RWDD1: variants seen among roughly 807,000 people sequenced by gnomAD.
RWDD1 encodes RWD domain-containing protein 1.
In RWDD1, 17 loss-of-function variants were observed where a neutral mutation model predicts 31.6. That is an observed-to-expected ratio of 0.54 (90% confidence interval 0.37 to 0.81). RWDD1 has a LOEUF of 0.81. Among genes scored for constraint, RWDD1 ranks in the 30% least tolerant of loss-of-function variants. RWDD1 has a pLI of 0.00. For synonymous variants in RWDD1, 78 were observed against 94.2 expected (o/e 0.83, Z 0.99); for missense variants, 204 against 274.5 (o/e 0.74, Z 1.82).
chr6:116,578,471 A>G (rs778983677), intron 1 of RWDD1, among the ~76,000 whole-genome samples: 1 of 152,216 alleles, frequency 6.6e-6, no homozygotes. Context: ...GTAATTGAGT[A>G]TTGGTTACCC....
chr6:116,578,465 T>C (rs954069974), intron 1 of RWDD1, among the ~76,000 whole-genome samples: 4 of 152,170 alleles, frequency 2.6e-5, no homozygotes, highest in African/African-American at 9.7e-5. Flanking sequence ...CCTGTTGTAA[T>C]TGAGTATTGG....
chr6:116,579,118 C>T (rs1264023213), intron 1 of RWDD1, among the ~76,000 whole-genome samples: 13 of 152,194 alleles, frequency 8.5e-5, no homozygotes, highest in African/African-American at 2.2e-4. Flanking sequence ...TCAAGTGATC[C>T]GCCCGCCTTG....
intron 1 of RWDD1, among the ~76,000 whole-genome samples, chr6:116,573,352 A>T (rs1774780812): frequency 6.6e-6 from 1 of 152,210 alleles, no homozygotes; most frequent in East Asian, 1.9e-4. Context: ...GTGCTTGAGG[A>T]TTCTGAGCCA....
In RWDD1 at chr6:116,590,263, T is replaced by C; in HGVS notation, c.415-9T>C. 2.7e-6 allele frequency: 4 copies of C among 1,482,996 alleles called. No homozygotes were observed. Among genetic ancestry groups the C allele is most frequent in the Non-Finnish European group, 3.6e-6 (4 of 1,100,364 alleles). The allele number at this position is 1,482,996 out of a possible 1,614,324, so 91.9% of individuals were successfully genotyped here. A position where few individuals can be genotyped will look rare whatever the true frequency, so the allele number is the denominator to read the frequency against. ...TTAATCTGGTGACTTTTTTTTTTTATTTCCTAAGCAATTATTCCATGGTAC... is the reference window on the plus strand; with the variant it reads ...TTAATCTGGTGACTTTTTTTTTTTACTTCCTAAGCAATTATTCCATGGTAC... On this transcript the variant is annotated splice_polypyrimidine_tract_variant and intron_variant, in intron 4 of 6. Transcript: ENST00000466444.
rs184044681 is a variant in RWDD1, at chr6:116,574,682, T to C, written c.73+3027T>C. ...TTTCTTTCTTTCTCTCTCTCTCTCTTCCTTCCTTCCTTCCTTTTCTTTCTT... is the reference window on the plus strand; with the variant it reads ...TTTCTTTCTTTCTCTCTCTCTCTCTCCCTTCCTTCCTTCCTTTTCTTTCTT... On this transcript the variant is annotated intron_variant, in intron 1 of 6. Transcript: ENST00000466444. 7.5e-3 allele frequency among the ~76,000 whole-genome samples: 1,127 copies of C among 150,926 alleles called. 10 individuals are homozygous for C. Among genetic ancestry groups the C allele is most frequent in the Non-Finnish European group, 0.012 (837 of 67,698 alleles).
In RWDD1 at chr6:116,588,862, G is replaced by A. The variant is rs779298640; in HGVS notation, c.291G>A (p.Met97Ile). The change falls in exon 4 of 7, where the codon ATG becomes ATA. Residue 97 changes from methionine to isoleucine, a missense_variant. Met to Ile is a conservative substitution (Grantham distance 10). Transcript: ENST00000466444. ...CACAGGCTGAAGAAAATCTTGGTAT[G>A]GTGATGATTTTTACTCTAGTGACAG... ...LALQAEENLG[M>I]VMIFTLVTAV... The A allele has an allele frequency of 1.2e-5, 18 of 1,542,680 alleles. No individual in the cohort carries two copies. Among genetic ancestry groups the A allele is most frequent in the African/African-American group, 2.9e-5 (2 of 70,174 alleles).
Position 116,593,124 on chromosome 6 carries a change from A to G in RWDD1, c.*23A>G. The stretch of plus-strand genomic sequence containing the variant: ...TAATGGACTGTCCCCATCTGCAGAG[A>G]GGCTTGACTGCCACAGCATCTGTGG... On this transcript the variant is annotated 3_prime_UTR_variant, in exon 7 of 7. Coordinates refer to ENST00000466444, the MANE Select transcript of RWDD1 (RefSeq NM_015952.4). 1 of 1,596,764 alleles carries G rather than the reference A, an allele frequency of 6.3e-7. No individual in the cohort carries two copies.
Position 116,593,096 on chromosome 6 carries a change from G to T in RWDD1, c.727G>T (p.Asp243Tyr). The change falls in exon 7 of 7, where the codon GAC becomes TAC. Residue 243 changes from aspartate (D) to tyrosine (Y), a missense_variant. By Grantham distance (160) the Asp-to-Tyr change is radical. Transcript: ENST00000466444. The stretch of plus-strand genomic sequence containing the variant: ...TGCTGACCCAGAGAGTGACTCAGCT[G>T]ACTAATGGACTGTCCCCATCTGCAG... ...NPADPESDSA[D>Y] The T allele has an allele frequency of 6.2e-7, 1 of 1,613,604 alleles. No homozygotes were observed. The highest frequency in any genetic ancestry group is 1.1e-5 in the South Asian group (1 of 91,008).
Position 116,595,989 on chromosome 6 carries a change from A to G in RWDD1, c.*2888A>G, listed in dbSNP as rs900376660. On this transcript the variant is annotated 3_prime_UTR_variant, in exon 7 of 7. Coordinates refer to ENST00000466444, the MANE Select transcript of RWDD1 (RefSeq NM_015952.4). Reference sequence around the variant, plus strand: ...ACAAGTTCACTGATCGTACTGTCATACTCCAGAGATACATGTGCCAAGAAG... The same window carrying G: ...ACAAGTTCACTGATCGTACTGTCATGCTCCAGAGATACATGTGCCAAGAAG... 2 of 152,200 alleles carry G rather than the reference A, an allele frequency of 1.3e-5. No homozygotes were observed. Among genetic ancestry groups the G allele is most frequent in the East Asian group, 1.9e-4 (1 of 5,200 alleles). 9.4% of individuals were successfully genotyped at this position (152,200 alleles called of 1,614,324 possible).
chr6:116,587,093 T>A (rs1431787568), intron 3 of RWDD1, among the ~76,000 whole-genome samples: 2 of 152,204 alleles, frequency 1.3e-5, no homozygotes, highest in Non-Finnish European at 2.9e-5. Flanking sequence ...ATCCTACTTT[T>A]ATTGGATATG....
rs1039583017 is a variant in RWDD1, at chr6:116,575,486, A to G, written c.73+3831A>G. Among the ~76,000 whole-genome samples the G allele has an allele frequency of 2.0e-5, 3 of 152,238 alleles. No individual in the cohort carries two copies. In the East Asian group the frequency reaches 5.8e-4, roughly 29 times the overall value. On this transcript the variant is annotated intron_variant, in intron 1 of 6. Coordinates refer to ENST00000466444, the MANE Select transcript of RWDD1 (RefSeq NM_015952.4). ...CCCTAACTCACAGTAATGCATGGTA[A>G]TGGGATTAGTCCTTTATCAGAACTT... is the stretch of plus-strand genomic sequence containing the variant.
At chr6:116,577,831 A>G (rs1774877220) in intron 1 of RWDD1, among the ~76,000 whole-genome samples, 1 of 152,180 alleles carries the variant, frequency 6.6e-6, no homozygotes, top group Admixed American at 6.5e-5. Context: ...GCTAAAAAAA[A>G]GATTGTGCGC....
At chr6:116,590,996 C>A in intron 6 of RWDD1, 46 bp downstream of exon 6, 1 of 1,522,768 alleles carries the variant, frequency 6.6e-7, no homozygotes, top group Non-Finnish European at 8.7e-7. Flanking sequence ...CACAGTAGCT[C>A]AAACCTGTAA....
chr6:116,584,861 AG>A lies in RWDD1; in HGVS notation c.270+6del, dbSNP rs1406301997. ...TTTAAAATTACTAGCATTACAGGTA[AG>A]GAAATAATAATTTTATGTTTTGTAG... On this transcript the variant is annotated splice_donor_5th_base_variant and intron_variant, in intron 3 of 6. Transcript: ENST00000466444. 6.4e-7 allele frequency: 1 copy of A among 1,561,616 alleles called. No homozygotes were observed. The highest frequency in any genetic ancestry group is 1.1e-5 in the South Asian group (1 of 89,328).
At chr6:116,590,521 C>CA (rs1775123288) in intron 5 of RWDD1, 117 bp downstream of exon 5, 1 of 1,278,282 alleles carries the variant, frequency 7.8e-7, no homozygotes, top group African/African-American at 1.5e-5. Context: ...GCATCTAGGA[C>CA]AAAAAGAGAA....
intron 6 of RWDD1, among the ~76,000 whole-genome samples, chr6:116,592,193 T>G (rs890941277): frequency 1.5e-5 from 2 of 135,824 alleles, no homozygotes; most frequent in Non-Finnish European, 3.4e-5. Context: ...CTCATCTACG[T>G]TACTTTCAGG....
chr6:116,572,385 T>C (rs2115319961), intron 1 of RWDD1: 1 of 152,384 alleles, frequency 6.6e-6, no homozygotes, highest in East Asian at 1.9e-4. Flanking sequence ...TACTGAGTTA[T>C]ACGTCCAGAA....
intron 4 of RWDD1, 141 bp downstream of exon 4, chr6:116,589,126 T>A: frequency 1.4e-6 from 1 of 715,724 alleles, no homozygotes; most frequent in Non-Finnish European, 1.9e-6. Flanking sequence ...AAAGTTTCAC[T>A]AAAATTGTAG....
chr6:116,587,844 C>T (rs1775071757), intron 3 of RWDD1, among the ~76,000 whole-genome samples: 2 of 152,002 alleles, frequency 1.3e-5, no homozygotes. Context: ...GATGGACAGA[C>T]TTAAATGACG....
Sources: allele counts gnomAD v4.1 joint callset (sites outside exome capture counted in the v4.1 genomes callset), GRCh38; gene constraint gnomAD v4.1.1; transcripts MANE v1.5; gene names NCBI Gene and HGNC (gene_info 2026-07-23, HGNC 2026-07-21).